The following GRIN3A variants were observed in gnomAD, a reference collection of about 807,000 sequenced individuals.
GRIN3A encodes glutamate receptor ionotropic, NMDA 3A.
Under a neutral mutation model 92.4 loss-of-function variants are expected in GRIN3A, and 47 were observed. The observed-to-expected ratio is 0.51, with a 90% CI of 0.40 to 0.65. GRIN3A has a LOEUF of 0.65. GRIN3A is among the 30% of genes least tolerant of loss of function. The probability of loss-of-function intolerance (pLI) is 0.00; values close to 1 mark genes in which losing one functional copy is unlikely to be tolerated. For missense variants in GRIN3A, 1,324 were observed against 1,393.1 expected (o/e 0.95, Z 0.79); for synonymous variants, 527 against 540.6 (o/e 0.97, Z 0.35).
chr9:101,597,760 T>A (rs541291788), intron 6 of GRIN3A, among the ~76,000 whole-genome samples: 1 of 152,320 alleles, frequency 6.6e-6, no homozygotes, highest in Admixed American at 6.5e-5. Context: ...TACTATTACT[T>A]CATAAAGTTG....
chr9:101,657,268 C>G (rs965121941), intron 3 of GRIN3A, among the ~76,000 whole-genome samples: 14 of 151,856 alleles, frequency 9.2e-5, no homozygotes, highest in African/African-American at 3.1e-4. Flanking sequence ...AATGTTAGTA[C>G]AATGGTTTTA....
At chr9:101,734,563 T>G (rs1830178391) in intron 1 of GRIN3A, among the ~76,000 whole-genome samples, 1 of 152,004 alleles carries the variant, frequency 6.6e-6, no homozygotes, top group Non-Finnish European at 1.5e-5. Context: ...TGTGATTATC[T>G]TATTTTGAAT....
intron 2 of GRIN3A, among the ~76,000 whole-genome samples, chr9:101,678,390 T>A (rs1829425874): frequency 1.3e-5 from 2 of 152,132 alleles, no homozygotes; most frequent in Admixed American, 6.5e-5. Context: ...AGAAGGAGTT[T>A]AATAGGGTTT....
chr9:101,683,432 G>A (rs1314925743), intron 2 of GRIN3A, among the ~76,000 whole-genome samples: 2 of 152,290 alleles, frequency 1.3e-5, no homozygotes, highest in East Asian at 3.9e-4. Flanking sequence ...CTTATGGACT[G>A]AGAATAACTT....
chr9:101,711,707 G>A (rs1439667110), intron 1 of GRIN3A, among the ~76,000 whole-genome samples: 2 of 152,052 alleles, frequency 1.3e-5, no homozygotes, highest in South Asian at 4.1e-4. Context: ...GGGCAGTGGC[G>A]GAATCTAGTG....
At chr9:101,637,810 T>G (rs536502989) in intron 3 of GRIN3A, among the ~76,000 whole-genome samples, 12 of 152,200 alleles carry the variant, frequency 7.9e-5, no homozygotes, top group African/African-American at 2.9e-4. Context: ...AACATTATAC[T>G]GTACTACTTC....
At chr9:101,595,976 C>G (rs1828123015) in intron 6 of GRIN3A, among the ~76,000 whole-genome samples, 1 of 152,198 alleles carries the variant, frequency 6.6e-6, no homozygotes. Flanking sequence ...CTCACATGCT[C>G]CCTCTTATTC....
intron 6 of GRIN3A, chr9:101,592,515 G>C (rs1346281625): frequency 6.6e-6 from 1 of 152,188 alleles, no homozygotes; most frequent in East Asian, 1.9e-4. Flanking sequence ...AAAAAGAAGT[G>C]AGTGTGATAA....
At chr9:101,621,875 T>C (rs2118866437) in intron 5 of GRIN3A, among the ~76,000 whole-genome samples, 1 of 152,344 alleles carries the variant, frequency 6.6e-6, no homozygotes, top group African/African-American at 2.4e-5. Flanking sequence ...CCAGTGCATC[T>C]AGGACAGAAA....
chr9:101,708,099 T>A (rs1055937962), intron 1 of GRIN3A, among the ~76,000 whole-genome samples: 1 of 152,156 alleles, frequency 6.6e-6, no homozygotes, highest in Admixed American at 6.5e-5. Context: ...AGAACAATGC[T>A]ACAATTTAGA....
chr9:101,682,590 G>T (rs1036890574), intron 2 of GRIN3A, among the ~76,000 whole-genome samples: 2 of 152,160 alleles, frequency 1.3e-5, no homozygotes, highest in Non-Finnish European at 2.9e-5. Flanking sequence ...TTCAACACAT[G>T]GTCATTGGCT....
intron 3 of GRIN3A, among the ~76,000 whole-genome samples, chr9:101,633,351 G>T (rs1348995626): frequency 6.6e-6 from 1 of 152,170 alleles, no homozygotes; most frequent in Non-Finnish European, 1.5e-5. Flanking sequence ...AGTATGTATT[G>T]AATTCCCAGC....
intron 5 of GRIN3A, among the ~76,000 whole-genome samples, chr9:101,623,011 C>CACACAT (rs1445202517): frequency 1.3e-5 from 2 of 151,864 alleles, no homozygotes; most frequent in African/African-American, 4.8e-5. Context: ...CACACACACA[C>CACACAT]ACACACACAC....
intron 2 of GRIN3A, among the ~76,000 whole-genome samples, chr9:101,677,409 T>C (rs910810365): frequency 6.6e-6 from 1 of 152,042 alleles, no homozygotes; most frequent in African/African-American, 2.4e-5. Context: ...CCCCCTTTTC[T>C]TTTTAGTGGT....
At chr9:101,704,787 C>A (rs1829792701) in intron 1 of GRIN3A, among the ~76,000 whole-genome samples, 1 of 152,074 alleles carries the variant, frequency 6.6e-6, no homozygotes, top group South Asian at 2.1e-4. Flanking sequence ...GTATTGAATG[C>A]ATTTTTAATT....
At chr9:101,618,743 CAT>C (rs1291819350) in intron 5 of GRIN3A, among the ~76,000 whole-genome samples, 1 of 152,096 alleles carries the variant, frequency 6.6e-6, no homozygotes, top group African/African-American at 2.4e-5. Context: ...TATTCAAAAA[CAT>C]AAAATAAAAC....
At chr9:101,657,959 A>G (rs1482088059) in intron 3 of GRIN3A, among the ~76,000 whole-genome samples, 1 of 151,976 alleles carries the variant, frequency 6.6e-6, no homozygotes, top group Non-Finnish European at 1.5e-5. Flanking sequence ...CAGCCTTAGC[A>G]GCAGTCTCTG....
At chr9:101,701,788 G>A (rs1829758645) in intron 1 of GRIN3A, among the ~76,000 whole-genome samples, 1 of 152,044 alleles carries the variant, frequency 6.6e-6, no homozygotes. Context: ...GAAAATTTTT[G>A]CAAACTTTCA....
At chr9:101,637,785 G>A (rs190850793) in intron 3 of GRIN3A, among the ~76,000 whole-genome samples, 3 of 152,246 alleles carry the variant, frequency 2.0e-5, no homozygotes, top group Admixed American at 1.3e-4. Context: ...TCTAATTCCA[G>A]AGCCTTTGTA....
Sources: gnomAD v4.1 joint callset for allele counts (sites outside exome capture counted in the v4.1 genomes callset) on GRCh38, gnomAD v4.1.1 for gene constraint, MANE v1.5 for transcripts, NCBI Gene and HGNC (gene_info 2026-07-23, HGNC 2026-07-21) for gene names.